MRC1: variants seen among roughly 807,000 people sequenced by gnomAD.
MRC1 encodes macrophage mannose receptor 1.
Under a neutral mutation model 102.9 loss-of-function variants are expected in MRC1, and 62 were observed. The ratio of observed to expected loss-of-function variants is 0.60; its 90% CI spans 0.49 to 0.74. MRC1 has a LOEUF of 0.74. Ranked by LOEUF, MRC1 falls within the 30% of genes least tolerant of loss-of-function variation. The pLI, the probability that MRC1 is intolerant of heterozygous loss-of-function variation, is 0.00. For missense variants in MRC1, 1,237 were observed against 862.8 expected (o/e 1.43, Z -5.43); for synonymous variants, 457 against 298.4 (o/e 1.53, Z -5.48).
At chr10:17,818,144 C>A (rs1268600707) in intron 1 of MRC1, among the ~76,000 whole-genome samples, 2 of 152,170 alleles carry the variant, frequency 1.3e-5, no homozygotes, top group Non-Finnish European at 1.5e-5. Flanking sequence ...TAAGTATACA[C>A]ATTTCTAAAT....
chr10:17,863,775 A>G, intron 11 of MRC1, 93 bp downstream of exon 11: 1 of 696,894 alleles, frequency 1.4e-6, no homozygotes, highest in Non-Finnish European at 2.6e-6. Flanking sequence ...CAAATAGACT[A>G]GGTAAATTAG....
intron 29 of MRC1, among the ~76,000 whole-genome samples, chr10:17,910,002 A>G (rs1300825063): frequency 2.0e-5 from 3 of 152,256 alleles, no homozygotes; most frequent in African/African-American, 7.2e-5. Flanking sequence ...ACATAGACAG[A>G]TGGATTATTC....
At chr10:17,892,416 T>C (rs1275031705) in intron 22 of MRC1, among the ~76,000 whole-genome samples, 1 of 152,222 alleles carries the variant, frequency 6.6e-6, no homozygotes, top group African/African-American at 2.4e-5. Context: ...GGGCTTCTGC[T>C]CTGGTCAATT....
chr10:17,880,009 G>A (rs916278494), intron 19 of MRC1, among the ~76,000 whole-genome samples, 188 bp downstream of exon 19: 3,052 of 152,226 alleles, frequency 0.02, 107 homozygotes, highest in African/African-American at 0.069. Flanking sequence ...ATTTACACTA[G>A]TAAATGACAT....
intron 7 of MRC1, 86 bp downstream of exon 7, chr10:17,849,850 C>T: frequency 3.0e-6 from 2 of 656,274 alleles, no homozygotes; most frequent in East Asian, 5.0e-5. Context: ...CTATCATAAA[C>T]ATCAAATTTA....
intron 22 of MRC1, among the ~76,000 whole-genome samples, chr10:17,893,610 A>C (rs1288253338): frequency 6.6e-6 from 1 of 152,202 alleles, no homozygotes; most frequent in Non-Finnish European, 1.5e-5. Flanking sequence ...CAGAAAAAAA[A>C]ATCTGAGATA....
At position 17,875,359 on chromosome 10, in the gene MRC1, A is replaced by G. The variant is rs1470421063; in HGVS notation, c.2550+106A>G. On this transcript the variant is annotated intron_variant, in intron 17 of 29. Transcript: ENST00000569591. ...GTGGTGATTTCTGAGATTTTGGTAC[A>G]CCCGTCACCTGAGCAGTATACGCTG... The G allele has an allele frequency of 5.8e-4, 431 of 741,502 alleles. 5 individuals carry two copies. In the South Asian group the frequency reaches 6.4e-3, roughly 11 times the overall value. The allele number at this position is 741,502 out of a possible 1,614,324, so 45.9% of individuals were successfully genotyped here. A position where few individuals can be genotyped will look rare whatever the true frequency, so the allele number is the denominator to read the frequency against.
At position 17,905,057 on chromosome 10, in the gene MRC1, C is replaced by G. The variant is rs1442180300; in HGVS notation, c.3800-1829C>G. ...AGCTCTGAATCAGGTCAAATAAAGA[C>G]AAGCTTTGCGAGTGGGGTTTTCTAG... On this transcript the variant is annotated intron_variant, in intron 26 of 29. Transcript: ENST00000569591. Among the ~76,000 whole-genome samples, 16 of 152,286 alleles carry G rather than the reference C, an allele frequency of 1.1e-4. No homozygotes were observed. The South Asian group carries it at 3.1e-3, about 30-fold the overall frequency.
chr10:17,823,418 T>C lies in MRC1; in HGVS notation c.406T>C (p.Trp136Arg), dbSNP rs782713155. 2.0e-5 allele frequency: 16 copies of C among 780,778 alleles called. No homozygotes were observed. Among genetic ancestry groups the C allele is most frequent in the Admixed American group, 5.1e-5 (3 of 59,010 alleles). 48.4% of individuals were successfully genotyped at this position (780,778 alleles called of 1,614,324 possible). A position where few individuals can be genotyped will look rare whatever the true frequency, so the allele number is the denominator to read the frequency against. ...NIMLYKGSGL[W>R]SRWKIYGTTD... ...TATGCTCTACAAGGGATCGGGTTTA[T>C]GGAGCAGGTGGAAGATCTATGGAAC... Residue 136 changes from tryptophan to arginine, a missense_variant, in exon 2 of 30, where the codon TGG becomes CGG. Physicochemically the swap from Trp to Arg is moderately radical, Grantham distance 101 (BLOSUM62 -3). Coordinates refer to ENST00000569591, the MANE Select transcript of MRC1 (RefSeq NM_002438.4).
intron 14 of MRC1, among the ~76,000 whole-genome samples, chr10:17,871,169 G>A (rs1036554582): frequency 1.3e-5 from 2 of 152,124 alleles, no homozygotes; most frequent in African/African-American, 4.8e-5. Flanking sequence ...ATTAGGCTTC[G>A]TCAGACTTCT....
intron 1 of MRC1, among the ~76,000 whole-genome samples, chr10:17,816,809 A>T (rs1838319667): frequency 6.6e-6 from 1 of 152,214 alleles, no homozygotes; most frequent in South Asian, 2.1e-4. Flanking sequence ...GCTGATAGTC[A>T]GGAAAATCTA....
intron 27 of MRC1, 108 bp downstream of exon 27, chr10:17,907,107 G>A (rs1282984764): frequency 1.4e-5 from 10 of 711,616 alleles, no homozygotes; most frequent in Non-Finnish European, 2.3e-5. Context: ...AATTCATGAG[G>A]AATTTGAAAA....
intron 8 of MRC1, among the ~76,000 whole-genome samples, chr10:17,854,124 G>C (rs1833041249): frequency 6.6e-6 from 1 of 152,072 alleles, no homozygotes; most frequent in African/African-American, 2.4e-5. Context: ...CTAATTTTTT[G>C]TATTTTTGGT....
intron 1 of MRC1, among the ~76,000 whole-genome samples, chr10:17,818,430 T>G (rs1489579590): frequency 6.6e-6 from 1 of 152,050 alleles, no homozygotes; most frequent in African/African-American, 2.4e-5. Context: ...GTAAACAAAT[T>G]GAAGAAAAAT....
chr10:17,816,114 A>G (rs1263237232), intron 1 of MRC1, among the ~76,000 whole-genome samples: 1 of 152,110 alleles, frequency 6.6e-6, no homozygotes, highest in Non-Finnish European at 1.5e-5. Flanking sequence ...AGACTGACTA[A>G]CACCCTCCAT....
intron 11 of MRC1, among the ~76,000 whole-genome samples, chr10:17,863,989 A>C (rs1365946550): frequency 6.6e-6 from 1 of 152,016 alleles, no homozygotes; most frequent in East Asian, 1.9e-4. Flanking sequence ...AAAGGTTTCA[A>C]ATGGTTGACT....
intron 13 of MRC1, among the ~76,000 whole-genome samples, chr10:17,870,603 C>T (rs1165383241): frequency 6.6e-6 from 1 of 152,064 alleles, no homozygotes; most frequent in Non-Finnish European, 1.5e-5. Context: ...ATGCTTAATA[C>T]GTATTTGTCT....
chr10:17,827,398 A>ATCCCTCTGTGGGTGC, intron 2 of MRC1, 144 bp from the exon 3 acceptor site: 1 of 319,830 alleles, frequency 3.1e-6, no homozygotes, highest in Non-Finnish European at 5.8e-6. Flanking sequence ...AAAAAAAAAA[A>ATCCCTCTGTGGGTGC]AAAAAAAAAA....
Position 17,888,666 on chromosome 10 carries a change from A to T in MRC1, c.3147+3231A>T, listed in dbSNP as rs1020864727. On this transcript the variant is annotated intron_variant, in intron 22 of 29. Transcript: ENST00000569591. Reference sequence around the variant, plus strand: ...TCTATTCTTTTAAATTTGTTAAGGCATGTTTTATGGCTCAGAATATGGTCT... The same window carrying T: ...TCTATTCTTTTAAATTTGTTAAGGCTTGTTTTATGGCTCAGAATATGGTCT... Among the ~76,000 whole-genome samples, 811 of 152,300 alleles carry T rather than the reference A, an allele frequency of 5.3e-3. 12 individuals carry two copies. Among genetic ancestry groups the T allele is most frequent in the African/African-American group, 0.019 (775 of 41,570 alleles).
Sources: allele counts gnomAD v4.1 joint callset (sites outside exome capture counted in the v4.1 genomes callset), GRCh38; gene constraint gnomAD v4.1.1; transcripts MANE v1.5; gene names NCBI Gene and HGNC (gene_info 2026-07-23, HGNC 2026-07-21).